NOS1: variants seen among roughly 807,000 people sequenced by gnomAD.
The protein encoded by NOS1 is nitric oxide synthase 1, also known as NOS type I.
Under a neutral mutation model 164.5 loss-of-function variants are expected in NOS1, and 51 were observed. That is an observed-to-expected ratio of 0.31 (90% CI 0.25 to 0.39). The LOEUF is 0.39. Among genes scored for constraint, NOS1 ranks in the 10% least tolerant of loss-of-function variants. The pLI is 1.00. For synonymous variants in NOS1, 719 were observed against 745.8 expected (o/e 0.96, Z 0.59); for missense variants, 1,362 against 1,885.6 (o/e 0.72, Z 5.14).
At chr12:117,236,058 A>G (rs543544259) in intron 20 of NOS1, among the ~76,000 whole-genome samples, 48 of 152,274 alleles carry the variant, frequency 3.2e-4, no homozygotes, top group Non-Finnish European at 5.9e-4. Flanking sequence ...CCCAACCCAA[A>G]AAACAAACAA....
chr12:117,275,668 G>T (rs963413816), intron 9 of NOS1, among the ~76,000 whole-genome samples: 1 of 152,130 alleles, frequency 6.6e-6, no homozygotes, highest in Non-Finnish European at 1.5e-5. Flanking sequence ...CAATACAAAG[G>T]ATAAGCGTTT....
intron 20 of NOS1, among the ~76,000 whole-genome samples, chr12:117,235,739 T>C (rs1177867051): frequency 1.3e-5 from 2 of 152,176 alleles, no homozygotes; most frequent in Non-Finnish European, 2.9e-5. Context: ...ATTATTCTGG[T>C]CCTTTAAAAA....
intron 2 of NOS1, among the ~76,000 whole-genome samples, chr12:117,317,336 G>C (rs747740090): frequency 6.6e-6 from 1 of 151,350 alleles, no homozygotes; most frequent in Non-Finnish European, 1.5e-5. Flanking sequence ...TCTCAGTTTA[G>C]ATCAGAGTTT....
intron 26 of NOS1, among the ~76,000 whole-genome samples, chr12:117,222,382 A>G (rs1028399272): frequency 3.1e-4 from 47 of 152,082 alleles, no homozygotes; most frequent in South Asian, 8.3e-4. Flanking sequence ...CAGCCTGCCA[A>G]GTAGCTGGGA....
chr12:117,255,671 C>T (rs1871382848), intron 16 of NOS1, among the ~76,000 whole-genome samples: 1 of 152,154 alleles, frequency 6.6e-6, no homozygotes, highest in Admixed American at 6.5e-5. Flanking sequence ...CAAATGCTTT[C>T]CTTTTTGTTA....
chr12:117,214,757 G>A lies in NOS1; in HGVS notation c.*552C>T. On this transcript the variant is annotated 3_prime_UTR_variant, in exon 29 of 29. Transcript: ENST00000317775. Reference sequence around the variant, plus strand: ...CAGGGACACGTTTCTTGGCATTGAGGGTCTTCAATGAAAGCAGTGGCAATC... The same window carrying A: ...CAGGGACACGTTTCTTGGCATTGAGAGTCTTCAATGAAAGCAGTGGCAATC... The A allele has an allele frequency of 2.0e-6, 2 of 984,872 alleles. No individual in the cohort carries two copies. Among genetic ancestry groups the A allele is most frequent in the Non-Finnish European group, 2.4e-6 (2 of 829,920 alleles). 61.0% of individuals were successfully genotyped at this position (984,872 alleles called of 1,614,324 possible). A position where few individuals can be genotyped will look rare whatever the true frequency, so the allele number is the denominator to read the frequency against.
At chr12:117,231,063 A>G (rs1869167814) in intron 22 of NOS1, among the ~76,000 whole-genome samples, 1 of 152,166 alleles carries the variant, frequency 6.6e-6, no homozygotes, top group South Asian at 2.1e-4. Flanking sequence ...GCAGTGGCTC[A>G]TGCCTGTAAT....
intron 9 of NOS1, among the ~76,000 whole-genome samples, chr12:117,276,819 T>A (rs571804302): frequency 3.0e-4 from 46 of 152,356 alleles, no homozygotes; most frequent in African/African-American, 8.7e-4. Flanking sequence ...GATCTCATTC[T>A]TTTTTGCAGC....
chr12:117,338,148 C>T (rs1418697998), intron 1 of NOS1, among the ~76,000 whole-genome samples: 1 of 151,920 alleles, frequency 6.6e-6, no homozygotes, highest in Non-Finnish European at 1.5e-5. Flanking sequence ...ACCTGGGAGG[C>T]GGAGGTTGCA....
intron 3 of NOS1, among the ~76,000 whole-genome samples, chr12:117,307,146 T>TAA (rs1182594584): frequency 7.2e-5 from 11 of 152,214 alleles, no homozygotes; most frequent in Non-Finnish European, 1.5e-4. Flanking sequence ...AGTGTCTTTC[T>TAA]TGCGGAGTCA....
At chr12:117,285,392 G>A (rs930009380) in intron 6 of NOS1, 60 bp from the exon 7 acceptor site, 19 of 1,144,728 alleles carry the variant, frequency 1.7e-5, no homozygotes, top group East Asian at 7.9e-5. Context: ...CTCCCCCAGC[G>A]CAATCTTCCC....
At chr12:117,287,342 G>A (rs752280696) in intron 5 of NOS1, among the ~76,000 whole-genome samples, 23 of 123,018 alleles carry the variant, frequency 1.9e-4, no homozygotes, top group East Asian at 2.4e-4. Flanking sequence ...CATGCAGAGC[G>A]CTAATCCCTT....
At chr12:117,270,752 T>C (rs1011483970) in intron 10 of NOS1, among the ~76,000 whole-genome samples, 6 of 152,246 alleles carry the variant, frequency 3.9e-5, no homozygotes, top group Non-Finnish European at 7.4e-5. Context: ...GGTGGTTGTT[T>C]AGGCTGGGCG....
At position 117,256,284 on chromosome 12, in the gene NOS1, G is replaced by GTTTTTTTTTTTTTTTTTTTTTTTTTTT. The variant is rs57047376; in HGVS notation, c.2531+2112_2531+2113insAAAAAAAAAAAAAAAAAAAAAAAAAAA. Among the ~76,000 whole-genome samples the GTTTTTTTTTTTTTTTTTTTTTTTTTTT allele has an allele frequency of 1.3e-4, 15 of 118,440 alleles. 1 individual carries two copies. Among genetic ancestry groups the GTTTTTTTTTTTTTTTTTTTTTTTTTTT allele is most frequent in the Admixed American group, 4.0e-4 (4 of 9,980 alleles). 77.7% of individuals were successfully genotyped at this position (118,440 alleles called of 152,430 possible). A position where few individuals can be genotyped will look rare whatever the true frequency, so the allele number is the denominator to read the frequency against. On this transcript the variant is annotated intron_variant, in intron 16 of 28. Coordinates refer to ENST00000317775, the MANE Select transcript of NOS1 (RefSeq NM_000620.5). ...CAAAGAAAATCAGAAGGGATTTTCT[G>GTTTTTTTTTTTTTTTTTTTTTTTTTTT]TTTTTTTTTTTTGAGACGGAGTCTC...
intron 17 of NOS1, among the ~76,000 whole-genome samples, chr12:117,248,756 C>T (rs1870857533): frequency 6.6e-6 from 1 of 151,724 alleles, no homozygotes; most frequent in Admixed American, 6.6e-5. Context: ...GTTCTAGATC[C>T]CTGAGGAATT....
intron 1 of NOS1, among the ~76,000 whole-genome samples, chr12:117,360,498 C>T (rs1212795216): frequency 6.6e-6 from 1 of 152,270 alleles, no homozygotes; most frequent in East Asian, 1.9e-4. Context: ...AGAAGCACAA[C>T]TTTCCCAGGT....
chr12:117,305,790 CTT>C (rs1298358667), intron 3 of NOS1, among the ~76,000 whole-genome samples: 5 of 139,462 alleles, frequency 3.6e-5, no homozygotes, highest in Admixed American at 7.3e-5. Context: ...AGGCCCGTGA[CTT>C]TTTTTTTTTT....
intron 16 of NOS1, among the ~76,000 whole-genome samples, chr12:117,257,899 G>C (rs550509004): frequency 1.5e-3 from 229 of 150,422 alleles, no homozygotes; most frequent in Non-Finnish European, 2.4e-3. Context: ...CCTCCTCCCA[G>C]GTTCAAGCGA....
intron 7 of NOS1, 140 bp from the exon 8 acceptor site, chr12:117,281,006 G>A: frequency 2.2e-6 from 2 of 895,894 alleles, no homozygotes; most frequent in South Asian, 3.5e-5. Flanking sequence ...CAGGGCCAAT[G>A]GAGCAGCGGT....
Sources: allele counts gnomAD v4.1 joint callset (sites outside exome capture counted in the v4.1 genomes callset), GRCh38; gene constraint gnomAD v4.1.1; transcripts MANE v1.5; gene names NCBI Gene and HGNC (gene_info 2026-07-23, HGNC 2026-07-21).